Variants in ADAMTS4 observed in about 807,000 individuals in gnomAD.
ADAMTS4 encodes A disintegrin and metalloproteinase with thrombospondin motifs 4.
Under a neutral mutation model 66.7 loss-of-function variants are expected in ADAMTS4, and 38 were observed. That is an observed-to-expected ratio of 0.57 (90% CI 0.44 to 0.75). The LOEUF (loss-of-function observed/expected upper bound fraction) is 0.75. Ranked by LOEUF, ADAMTS4 falls within the 30% of genes least tolerant of loss-of-function variation. The pLI is 0.00. For missense variants in ADAMTS4, 1,014 were observed against 1,116.7 expected (o/e 0.91, Z 1.31); for synonymous variants, 418 against 461.5 (o/e 0.91, Z 1.21).
Position 161,193,790 on chromosome 1 carries a change from A to C in ADAMTS4, c.1585T>G (p.Trp529Gly). 1 of 1,612,220 alleles carries C rather than the reference A, an allele frequency of 6.2e-7. No individual in the cohort carries two copies. Among genetic ancestry groups the C allele is most frequent in the Non-Finnish European group, 8.5e-7 (1 of 1,178,946 alleles). Residue 529 changes from tryptophan to glycine, a missense_variant, in exon 6 of 9, where the codon TGG becomes GGG. Transcript: ENST00000367996. This position sits in a 1 kb window ranked among gnomAD's most constrained non-coding sequence, Gnocchi z 4.4. ...QAGGWGPWGP[W>G]GDCSRTCGGG... Reference sequence around the variant, plus strand: ...CCACAGGTCCGAGAGCAGTCACCCCATGGTCCCCAAGGACCCCAGCCACCA... The same window carrying C: ...CCACAGGTCCGAGAGCAGTCACCCCCTGGTCCCCAAGGACCCCAGCCACCA...
At chr1:161,195,898 A>G (rs530595817) in intron 3 of ADAMTS4, 1 of 540,866 alleles carries the variant, frequency 1.8e-6, no homozygotes, top group South Asian at 2.9e-5. Flanking sequence ...GACCCCACCC[A>G]TTGTCTCTGA....
Position 161,193,739 on chromosome 1 carries a change from C to A in ADAMTS4, c.1636G>T (p.Asp546Tyr). Residue 546 changes from aspartate (D) to tyrosine (Y), a missense_variant, in exon 6 of 9, where the codon GAC (aspartate) becomes TAC (tyrosine). Physicochemically the swap from Asp to Tyr is radical, Grantham distance 160. Coordinates refer to ENST00000367996, the MANE Select transcript of ADAMTS4 (RefSeq NM_005099.6). This position sits in a 1 kb window ranked among gnomAD's most constrained non-coding sequence, Gnocchi z 4.4. ...CGGGVQFSSR[D>Y]CTRPVPRNGG... is the part of the protein sequence containing the mutation. The stretch of plus-strand genomic sequence containing the variant: ...TTCCGGGGGACAGGCCTCGTGCAGT[C>A]TCGGGAGGAGAACTGGACACCACCC... The A allele has an allele frequency of 1.2e-6, 2 of 1,614,136 alleles. No individual in the cohort carries two copies. Among genetic ancestry groups the A allele is most frequent in the Non-Finnish European group, 1.7e-6 (2 of 1,180,024 alleles).
chr1:161,195,984 G>A (rs1571583496), intron 3 of ADAMTS4, 187 bp downstream of exon 3: 4 of 670,024 alleles, frequency 6.0e-6, no homozygotes, highest in South Asian at 2.8e-5. Flanking sequence ...CAGTAGTTTC[G>A]ACCAACTAAT....
In ADAMTS4 at chr1:161,192,080, G is replaced by C. The variant is rs750952231; in HGVS notation, c.2072C>G (p.Ser691Cys). Residue 691 changes from serine to cysteine, a missense_variant, in exon 8 of 9, where the codon TCC becomes TGC. By Grantham distance (112) the Ser-to-Cys change is moderately radical. Coordinates refer to ENST00000367996, the MANE Select transcript of ADAMTS4 (RefSeq NM_005099.6). ...DGSGCSKQSGSFRKFRYGYNN... is the reference protein window; with the variant it reads ...DGSGCSKQSGCFRKFRYGYNN... The stretch of plus-strand genomic sequence containing the variant: ...GTGAAAGAACCTGAATTTCCTGAAG[G>C]AGCCTGACTGCTTGCTGCAACCAGA... The C allele has an allele frequency of 6.2e-7, 1 of 1,613,942 alleles. No individual in the cohort carries two copies.
chr1:161,195,433 T>C, intron 4 of ADAMTS4, 32 bp downstream of exon 4: 1 of 1,570,944 alleles, frequency 6.4e-7, no homozygotes, highest in Non-Finnish European at 8.6e-7. Context: ...AATTGAGTGC[T>C]ACCCAGGGAA....
rs376951471 is a variant in ADAMTS4, at chr1:161,193,895, C to A, written c.1548+40G>T. The A allele has an allele frequency of 4.4e-4, 685 of 1,561,862 alleles. 1 individual carries two copies. The highest frequency in any genetic ancestry group is 5.7e-4 in the Non-Finnish European group (659 of 1,151,552). ...CCTGGGCTTAAGGCCAGTCCCCACACCCCCGGGCCCTTTACCCCACCCCTG... is the reference window on the plus strand; with the variant it reads ...CCTGGGCTTAAGGCCAGTCCCCACAACCCCGGGCCCTTTACCCCACCCCTG... On this transcript the variant is annotated intron_variant, in intron 5 of 8. Transcript: ENST00000367996. This position sits in a 1 kb window ranked among gnomAD's most constrained non-coding sequence, Gnocchi z 4.4.
At position 161,192,040 on chromosome 1, in the gene ADAMTS4, G is replaced by C. The variant is rs773785728; in HGVS notation, c.2087+25C>G. 3.1e-6 allele frequency: 5 copies of C among 1,612,044 alleles called. No individual in the cohort carries two copies. In the South Asian group the frequency reaches 3.3e-5, roughly 11 times the overall value. ...AGGACCCAGAATGTCCAGGAAGGTAGAGGGAGGAATGATGGTGAAAGAACC... is the reference window on the plus strand; with the variant it reads ...AGGACCCAGAATGTCCAGGAAGGTACAGGGAGGAATGATGGTGAAAGAACC... On this transcript the variant is annotated intron_variant, in intron 8 of 8. Coordinates refer to ENST00000367996, the MANE Select transcript of ADAMTS4 (RefSeq NM_005099.6).
At position 161,192,203 on chromosome 1, in the gene ADAMTS4, G is replaced by A. The variant is rs767912629; in HGVS notation, c.1949C>T (p.Ser650Leu). 17 of 1,613,976 alleles carry A rather than the reference G, an allele frequency of 1.1e-5. No homozygotes were observed. Among genetic ancestry groups the A allele is most frequent in the South Asian group, 7.7e-5 (7 of 91,082 alleles). ...GATGCATCGGCCCTGGACACAGACC[G>A]AGGAGCTGTCCGGGGAACAGGGGGT... ...DGTPCSPDSS[S>L]VCVQGRCIHA... The change falls in exon 8 of 9, where the codon TCG becomes TTG. Residue 650 changes from serine to leucine, a missense_variant. Transcript: ENST00000367996.
At position 161,196,763 on chromosome 1, in the gene ADAMTS4, T is replaced by A. The variant is rs1467819272; in HGVS notation, c.751A>T (p.Lys251Ter). Residue 251 changes from lysine (K) to a stop codon, truncating the protein, a stop_gained, in exon 2 of 9, where the codon AAG becomes TAG. Coordinates refer to ENST00000367996, the MANE Select transcript of ADAMTS4 (RefSeq NM_005099.6). LOFTEE classifies it high-confidence loss of function. Reference protein sequence around the residue: ...YLLTVMAAAAKAFKHPSIRNP... With the variant: ...YLLTVMAAAA ...CGGATGCTTGGGTGCTTGAAGGCCT[T>A]GGCTGCTGCTGCCATCACTGTTAGC... 1 of 1,613,234 alleles carries A rather than the reference T, an allele frequency of 6.2e-7. No individual in the cohort carries two copies. Among genetic ancestry groups the A allele is most frequent in the East Asian group, 2.2e-5 (1 of 44,874 alleles).
intron 3 of ADAMTS4, chr1:161,195,881 C>A: frequency 1.8e-6 from 1 of 559,104 alleles, no homozygotes; most frequent in Admixed American, 3.5e-5. Flanking sequence ...CCAACATTCC[C>A]AACTGTGACC....
rs950698869 is a variant in ADAMTS4 at position 161,185,049 on chromosome 1, G to A, written c.*6089C>T. The stretch of plus-strand genomic sequence containing the variant: ...AAAAAAAAGAAGAAAAAGAAAGGCA[G>A]GGGGGGAGGGGGGAGGGATAGCATT... On this transcript the variant is annotated 3_prime_UTR_variant, in exon 9 of 9. Transcript: ENST00000367996. 14 of 139,990 alleles carry A rather than the reference G, an allele frequency of 1.0e-4. No individual in the cohort carries two copies. The highest frequency in any genetic ancestry group is 2.0e-4 in the Non-Finnish European group (13 of 64,550). The allele number at this position is 139,990 out of a possible 1,614,324, so 8.7% of individuals were successfully genotyped here.
chr1:161,191,520 T>C lies in ADAMTS4; in HGVS notation c.2132A>G (p.His711Arg). Reference protein sequence around the residue: ...NVVTIPAGATHILVRQQGNPG... With the variant: ...NVVTIPAGATRILVRQQGNPG... ...GTTTCCCTGCTGCCGGACAAGAATGTGGGTGGCCCCCGCGGGGATAGTGAC... is the reference window on the plus strand; with the variant it reads ...GTTTCCCTGCTGCCGGACAAGAATGCGGGTGGCCCCCGCGGGGATAGTGAC... The change falls in exon 9 of 9, where the codon CAC (histidine) becomes CGC (arginine). Residue 711 changes from histidine (H) to arginine (R), a missense_variant. His to Arg is a conservative substitution (Grantham distance 29). Coordinates refer to ENST00000367996, the MANE Select transcript of ADAMTS4 (RefSeq NM_005099.6). The C allele has an allele frequency of 1.2e-6, 2 of 1,613,960 alleles. No individual in the cohort carries two copies. Among genetic ancestry groups the C allele is most frequent in the African/African-American group, 1.3e-5 (1 of 75,052 alleles).
At position 161,190,464 on chromosome 1, in the gene ADAMTS4, GAT is replaced by G. The variant is rs1182627191; in HGVS notation, c.*672_*673del. 2 of 149,610 alleles carry G rather than the reference GAT, an allele frequency of 1.3e-5. No homozygotes were observed. Among genetic ancestry groups the G allele is most frequent in the African/African-American group, 4.9e-5 (2 of 40,440 alleles). The allele number at this position is 149,610 out of a possible 1,614,324, so 9.3% of individuals were successfully genotyped here. A position where few individuals can be genotyped will look rare whatever the true frequency, so the allele number is the denominator to read the frequency against. On this transcript the variant is annotated 3_prime_UTR_variant, in exon 9 of 9. Transcript: ENST00000367996. ...GGAGGCGGAGGATGCAGTGAGCCGAGATTGTGCCATTGCACTCCAGCCTGGGC... is the reference window on the plus strand; with the variant it reads ...GGAGGCGGAGGATGCAGTGAGCCGAGTGTGCCATTGCACTCCAGCCTGGGC...
Position 161,193,233 on chromosome 1 carries a change from A to G in ADAMTS4, c.1891T>C (p.Tyr631His). 1.2e-6 allele frequency: 2 copies of G among 1,613,778 alleles called. No individual in the cohort carries two copies. The highest frequency in any genetic ancestry group is 1.1e-5 in the South Asian group (1 of 91,058). Residue 631 changes from tyrosine (Y) to histidine (H), a missense_variant, in exon 7 of 9, where the codon TAC becomes CAC. Transcript: ENST00000367996. The surrounding 1 kb of genome is among the most constrained non-coding windows in gnomAD (Gnocchi z 4.4). ...LTCQAQALGY[Y>H]YVLEPRVVDG... Reference sequence around the variant, plus strand: ...CTCACCCGTGGCTCCAGCACATAGTAGTAGCCCAGTGCCTGGGCCTGGCAG... The same window carrying G: ...CTCACCCGTGGCTCCAGCACATAGTGGTAGCCCAGTGCCTGGGCCTGGCAG...
In ADAMTS4 at chr1:161,193,732, G is replaced by A. The variant is rs756196686; in HGVS notation, c.1643C>T (p.Thr548Met). ...GGVQFSSRDC[T>M]RPVPRNGGKY... The stretch of plus-strand genomic sequence containing the variant: ...GCCACCATTCCGGGGGACAGGCCTC[G>A]TGCAGTCTCGGGAGGAGAACTGGAC... Residue 548 changes from threonine (T) to methionine (M), a missense_variant, in exon 6 of 9, where the codon ACG becomes ATG. Physicochemically the swap from Thr to Met is moderately conservative, Grantham distance 81. Transcript: ENST00000367996. The surrounding 1 kb of genome is among the most constrained non-coding windows in gnomAD (Gnocchi z 4.4). 1.7e-5 allele frequency: 27 copies of A among 1,613,950 alleles called. No individual in the cohort carries two copies. The highest frequency in any genetic ancestry group is 7.7e-5 in the South Asian group (7 of 91,072).
chr1:161,197,825 G>A (rs1341939177), intron 1 of ADAMTS4, among the ~76,000 whole-genome samples, 170 bp downstream of exon 1: 1 of 152,080 alleles, frequency 6.6e-6, no homozygotes, highest in African/African-American at 2.4e-5. Context: ...GTGAAGGGGA[G>A]AGGCCTGAGC....
chr1:161,193,618 T>C lies in ADAMTS4; in HGVS notation c.1735+22A>G, dbSNP rs1375523185. The C allele has an allele frequency of 6.3e-7, 1 of 1,592,072 alleles. No individual in the cohort carries two copies. Among genetic ancestry groups the C allele is most frequent in the South Asian group, 1.1e-5 (1 of 87,566 alleles). On this transcript the variant is annotated intron_variant, in intron 6 of 8. Coordinates refer to ENST00000367996, the MANE Select transcript of ADAMTS4 (RefSeq NM_005099.6). This position sits in a 1 kb window ranked among gnomAD's most constrained non-coding sequence, Gnocchi z 4.4. ...TGCTCTACTGTCCCCTCCCAAGGGC[T>C]CCCATCCCCCCTACTCCTCACCTGA...
rs1349734787 is a variant in ADAMTS4, at chr1:161,186,161, C to G, written c.*4977G>C. The stretch of plus-strand genomic sequence containing the variant: ...TGTTCCTCCTTATATATCTACACCC[C>G]AGCTCAGGCCCACGAGGGCAATAAG... On this transcript the variant is annotated 3_prime_UTR_variant, in exon 9 of 9. Transcript: ENST00000367996. 2 of 152,230 alleles carry G rather than the reference C, an allele frequency of 1.3e-5. No homozygotes were observed. Among genetic ancestry groups the G allele is most frequent in the Admixed American group, 6.5e-5 (1 of 15,288 alleles). The allele number at this position is 152,230 out of a possible 1,614,324, so 9.4% of individuals were successfully genotyped here. A position where few individuals can be genotyped will look rare whatever the true frequency, so the allele number is the denominator to read the frequency against.
rs1199336788 is a variant in ADAMTS4, at chr1:161,194,727, T to A, written c.1262-506A>T. The stretch of plus-strand genomic sequence containing the variant: ...TAATGGGCAGCTATAGTTTATTGGA[T>A]GCTTATTATGAGATGAGCATTGGCT... On this transcript the variant is annotated intron_variant, in intron 4 of 8. Transcript: ENST00000367996. This position sits in a 1 kb window ranked among gnomAD's most constrained non-coding sequence, Gnocchi z 4.1. 6.6e-6 allele frequency among the ~76,000 whole-genome samples: 1 copy of A among 152,224 alleles called. No individual in the cohort carries two copies. The highest frequency in any genetic ancestry group is 1.5e-5 in the Non-Finnish European group (1 of 68,034).
Sources: gnomAD v4.1 joint callset for allele counts (sites outside exome capture counted in the v4.1 genomes callset) on GRCh38, gnomAD v4.1.1 for gene constraint, Gnocchi (gnomAD v3.1) non-coding constraint, MANE v1.5 for transcripts, NCBI Gene and HGNC (gene_info 2026-07-23, HGNC 2026-07-21) for gene names.